The following BTBD2 variants were observed in gnomAD, a reference collection of about 807,000 sequenced individuals.
BTBD2 encodes the protein BTB/POZ domain-containing protein 2.
BTBD2 carries 15 observed loss-of-function variants against 44.0 expected under a neutral mutation model. The observed-to-expected ratio is 0.34, with a 90% CI of 0.23 to 0.53. BTBD2 has a LOEUF of 0.53. Among genes scored for constraint, BTBD2 ranks in the 20% least tolerant of loss-of-function variants. The pLI is 0.95. For synonymous variants in BTBD2, 443 were observed against 335.9 expected (o/e 1.32, Z -3.49); for missense variants, 657 against 746.4 (o/e 0.88, Z 1.39).
intron 3 of BTBD2, among the ~76,000 whole-genome samples, chr19:1,992,617 G>A (rs550943652): frequency 3.3e-5 from 5 of 151,920 alleles, no homozygotes; most frequent in Admixed American, 6.6e-5. Flanking sequence ...TGTCATGCAC[G>A]CTGGAGTGCA....
At position 1,993,031 on chromosome 19, in the gene BTBD2, G is replaced by A; in HGVS notation, c.673C>T (p.Leu225=). ...KNLRADNAFM[L]LTQARLFDEP... is the part of the protein sequence containing the mutation. ...CCGGCCCCGCCCACCTGCGTGAGCA[G>A]CATGAAGGCGTTGTCGGCTCGCAGG... The change falls in exon 3 of 9, where the codon CTG becomes TTG. Residue 225 remains leucine, a synonymous_variant. Transcript: ENST00000255608. The A allele has an allele frequency of 6.6e-7, 1 of 1,513,570 alleles. No homozygotes were observed. Among genetic ancestry groups the A allele is most frequent in the East Asian group, 2.7e-5 (1 of 36,888 alleles). 93.8% of individuals were successfully genotyped at this position (1,513,570 alleles called of 1,614,324 possible). A position where few individuals can be genotyped will look rare whatever the true frequency, so the allele number is the denominator to read the frequency against.
intron 5 of BTBD2, chr19:1,987,947 G>T: frequency 2.0e-6 from 1 of 509,740 alleles, no homozygotes; most frequent in South Asian, 2.6e-5. Flanking sequence ...TCTGACAGAT[G>T]CACTCACTCA....
intron 1 of BTBD2, among the ~76,000 whole-genome samples, chr19:2,001,427 G>T (rs928550509): frequency 6.6e-6 from 1 of 152,188 alleles, no homozygotes; most frequent in Non-Finnish European, 1.5e-5. Flanking sequence ...TGGAGGCGGA[G>T]GTCGCAGTGA....
chr19:1,996,295 G>C (rs543527071), intron 2 of BTBD2, among the ~76,000 whole-genome samples: 3 of 152,008 alleles, frequency 2.0e-5, no homozygotes, highest in Non-Finnish European at 4.4e-5. Context: ...GGTCCCTTGG[G>C]ATTCCATATG....
intron 3 of BTBD2, among the ~76,000 whole-genome samples, chr19:1,992,219 A>G (rs896697741): frequency 2.0e-5 from 3 of 151,972 alleles, no homozygotes; most frequent in Non-Finnish European, 2.9e-5. Context: ...TGGTCCCCCA[A>G]GTAGTTGAGA....
rs1166566040 is a variant in BTBD2, at chr19:1,986,523, C to T, written c.1543G>A (p.Asp515Asn). Residue 515 changes from aspartate to asparagine, a missense_variant, in exon 9 of 9, where the codon GAC (aspartate) becomes AAC (asparagine). Asp to Asn is a conservative substitution (Grantham distance 23). This residue lies in a region of BTBD2 where 449 missense variants were observed against 510.9 expected (regional missense o/e 0.88). Transcript: ENST00000255608. ...AAGATGACCTCGGGGATCTGGCCGT[C>T]CTCCACGGATGTGCCATTGTTGTTC... The part of the protein sequence containing the change: ...AGNNNGTSVE[D>N]GQIPEVIFYT 3.7e-6 allele frequency: 6 copies of T among 1,613,928 alleles called. No homozygotes were observed. Among genetic ancestry groups the T allele is most frequent in the Non-Finnish European group, 5.1e-6 (6 of 1,179,966 alleles).
In BTBD2 at chr19:1,986,980, CG is replaced by C. The variant is rs776479719; in HGVS notation, c.1270-5del. 6.2e-7 allele frequency: 1 copy of C among 1,609,688 alleles called. No individual in the cohort carries two copies. The stretch of plus-strand genomic sequence containing the variant: ...TGTTGCTATCGGTGTGAATAATCTG[CG>C]GGGAGGTGGGAAGTGGGAGGCTCAG... On this transcript the variant is annotated splice_polypyrimidine_tract_variant and splice_region_variant and intron_variant, in intron 7 of 8. Coordinates refer to ENST00000255608, the MANE Select transcript of BTBD2 (RefSeq NM_017797.4).
rs371234500 is a variant in BTBD2 at position 1,991,678 on chromosome 19, G to A, written c.685-856C>T. On this transcript the variant is annotated intron_variant, in intron 3 of 8. Coordinates refer to ENST00000255608, the MANE Select transcript of BTBD2 (RefSeq NM_017797.4). Reference sequence around the variant, plus strand: ...GGATGCCGGACCCCCAAAGCCCATTGGAGGACCCAGTGCCGCTGTCCCCTC... The same window carrying A: ...GGATGCCGGACCCCCAAAGCCCATTAGAGGACCCAGTGCCGCTGTCCCCTC... Among the ~76,000 whole-genome samples, 57 of 152,276 alleles carry A rather than the reference G, an allele frequency of 3.7e-4. 2 individuals carry two copies. In the South Asian group the frequency reaches 0.012, roughly 31 times the overall value.
chr19:2,005,697 G>A (rs894770809), intron 1 of BTBD2, among the ~76,000 whole-genome samples: 6 of 151,162 alleles, frequency 4.0e-5, no homozygotes, highest in South Asian at 2.1e-4. Flanking sequence ...CAGGAGAATC[G>A]CTTGAACCTG....
chr19:1,990,233 C>T (rs1312933992), intron 4 of BTBD2, 32 bp from the exon 5 acceptor site: 25 of 1,560,654 alleles, frequency 1.6e-5, no homozygotes, highest in South Asian at 5.8e-5. Context: ...TGCGTGAACA[C>T]GACACCCACA....
At position 1,986,234 on chromosome 19, in the gene BTBD2, T is replaced by G. The variant is rs2016078462; in HGVS notation, c.*254A>C. On this transcript the variant is annotated 3_prime_UTR_variant, in exon 9 of 9. Coordinates refer to ENST00000255608, the MANE Select transcript of BTBD2 (RefSeq NM_017797.4). Reference sequence around the variant, plus strand: ...GCCCAGGCCGGCACAGCCCTGTCCCTAGTCCTGAGGGATTGTCTCCACAGG... The same window carrying G: ...GCCCAGGCCGGCACAGCCCTGTCCCGAGTCCTGAGGGATTGTCTCCACAGG... 1.8e-6 allele frequency: 1 copy of G among 542,018 alleles called. No individual in the cohort carries two copies. Among genetic ancestry groups the G allele is most frequent in the East Asian group, 3.1e-5 (1 of 31,850 alleles). 33.6% of individuals were successfully genotyped at this position (542,018 alleles called of 1,614,324 possible).
chr19:1,992,460 G>T (rs1382158109), intron 3 of BTBD2, among the ~76,000 whole-genome samples: 2 of 152,030 alleles, frequency 1.3e-5, no homozygotes, highest in Non-Finnish European at 2.9e-5. Flanking sequence ...GGCTGGTCTA[G>T]AACTCCGGGC....
In BTBD2 at chr19:1,986,493, T is replaced by C. The variant is rs1394986554; in HGVS notation, c.1573A>G (p.Thr525Ala). The change falls in exon 9 of 9, where the codon ACC becomes GCC. Residue 525 changes from threonine to alanine, a missense_variant. Physicochemically the swap from Thr to Ala is moderately conservative, Grantham distance 58 (BLOSUM62 0). Transcript: ENST00000255608. Reference sequence around the variant, plus strand: ...CGGTGTCGGTGTCGGGCAGCCTAGGTGTAGAAGATGACCTCGGGGATCTGG... The same window carrying C: ...CGGTGTCGGTGTCGGGCAGCCTAGGCGTAGAAGATGACCTCGGGGATCTGG... Reference protein sequence around the residue: ...DGQIPEVIFYT With the variant: ...DGQIPEVIFYA 2.5e-6 allele frequency: 4 copies of C among 1,613,600 alleles called. No homozygotes were observed. The highest frequency in any genetic ancestry group is 3.3e-4 in the Middle Eastern group (2 of 6,056).
In BTBD2 at chr19:2,015,453, C is replaced by G. The variant is rs1361104820; in HGVS notation, c.251G>C (p.Gly84Ala). 6 of 1,391,026 alleles carry G rather than the reference C, an allele frequency of 4.3e-6. No individual in the cohort carries two copies. In the Admixed American group the frequency reaches 8.6e-5, roughly 20 times the overall value. 86.2% of individuals were successfully genotyped at this position (1,391,026 alleles called of 1,614,324 possible). A position where few individuals can be genotyped will look rare whatever the true frequency, so the allele number is the denominator to read the frequency against. The stretch of plus-strand genomic sequence containing the variant: ...GGCCTCGCGCTGCAGCGCCGCCGCC[C>G]CCGGGCCCGCCGCCTCCTCCGCCCG... ...AERAEEAAGP[G>A]AAALQREAAY... is the part of the protein sequence containing the mutation. Residue 84 changes from glycine (G) to alanine (A), a missense_variant, in exon 1 of 9, where the codon GGG (glycine) becomes GCG (alanine). By Grantham distance (60) the Gly-to-Ala change is moderately conservative. Around this residue, in one of 3 missense-constraint regions of BTBD2, gnomAD observed 191 missense variants for 188.5 expected, o/e 1.01. Coordinates refer to ENST00000255608, the MANE Select transcript of BTBD2 (RefSeq NM_017797.4).
chr19:1,993,046 C>A lies in BTBD2; in HGVS notation c.658G>T (p.Asp220Tyr). The A allele has an allele frequency of 6.5e-7, 1 of 1,538,076 alleles. No homozygotes were observed. The highest frequency in any genetic ancestry group is 8.8e-7 in the Non-Finnish European group (1 of 1,138,126). The change falls in exon 3 of 9, where the codon GAC (aspartate) becomes TAC (tyrosine). Residue 220 changes from aspartate (D) to tyrosine (Y), a missense_variant. By Grantham distance (160) the Asp-to-Tyr change is radical. This residue lies in a region of BTBD2 where 449 missense variants were observed against 510.9 expected (regional missense o/e 0.88). Transcript: ENST00000255608. ...TGCGTGAGCAGCATGAAGGCGTTGT[C>A]GGCTCGCAGGTTCTTCTTCAGGAAC... Reference protein sequence around the residue: ...VEFLKKNLRADNAFMLLTQAR... With the variant: ...VEFLKKNLRAYNAFMLLTQAR...
At chr19:1,990,396 CTGTGG>C in intron 4 of BTBD2, 195 bp from the exon 5 acceptor site, 1 of 663,224 alleles carries the variant, frequency 1.5e-6, no homozygotes, top group Non-Finnish European at 2.5e-6. Flanking sequence ...TTTTCCTCGG[CTGTGG>C]TTGTTTTTAA....
intron 1 of BTBD2, among the ~76,000 whole-genome samples, chr19:2,008,129 C>G (rs549168337): frequency 2.6e-5 from 4 of 151,890 alleles, no homozygotes; most frequent in Non-Finnish European, 5.9e-5. Context: ...CTCAACCTCC[C>G]GAGTAGCTGG....
Position 1,986,462 on chromosome 19 carries a change from G to A in BTBD2, c.*26C>T, listed in dbSNP as rs762579130. The A allele has an allele frequency of 7.0e-5, 112 of 1,609,516 alleles. No individual in the cohort carries two copies. Among genetic ancestry groups the A allele is most frequent in the East Asian group, 2.2e-5 (1 of 44,796 alleles). ...TGGGGCTGCGGCTATCCCCACGGAGGGAGGGCGGTGTCGGTGTCGGGCAGC... is the reference window on the plus strand; with the variant it reads ...TGGGGCTGCGGCTATCCCCACGGAGAGAGGGCGGTGTCGGTGTCGGGCAGC... On this transcript the variant is annotated 3_prime_UTR_variant, in exon 9 of 9. Transcript: ENST00000255608.
chr19:1,989,282 T>C, intron 5 of BTBD2: 1 of 152,844 alleles, frequency 6.5e-6, no homozygotes, highest in Non-Finnish European at 1.5e-5. Flanking sequence ...TCCCAGCTAC[T>C]CCGGAGTCTG....
Sources: allele counts gnomAD v4.1 joint callset (sites outside exome capture counted in the v4.1 genomes callset), GRCh38; gene constraint gnomAD v4.1.1; regional missense constraint gnomAD v4.1.1; transcripts MANE v1.5; gene names NCBI Gene and HGNC (gene_info 2026-07-23, HGNC 2026-07-21).